FBXL13: variants seen among roughly 807,000 people sequenced by gnomAD.
FBXL13 encodes F-box and leucine rich repeat protein 13, also known as F-box and leucine-rich repeat protein 13.
FBXL13 carries 67 observed loss-of-function variants against 83.6 expected under a neutral mutation model. That is an observed-to-expected ratio of 0.80 (90% CI 0.66 to 0.98). FBXL13 has a LOEUF of 0.98. FBXL13 is among the 50% of genes least tolerant of loss of function. The probability of loss-of-function intolerance (pLI) is 0.00; values close to 1 mark genes in which losing one functional copy is unlikely to be tolerated. For missense variants in FBXL13, 822 were observed against 866.5 expected, an observed-to-expected ratio of 0.95 and a Z score of 0.64; for synonymous variants, 272 against 299.5, an observed-to-expected ratio of 0.91 and a Z score of 0.95.
chr7:103,029,072 C>T (rs1794236771), intron 3 of FBXL13, among the ~76,000 whole-genome samples: 2 of 151,898 alleles, frequency 1.3e-5, no homozygotes, highest in South Asian at 2.1e-4. Flanking sequence ...ACATATTTGG[C>T]TCCAAGGGTT....
intron 6 of FBXL13, among the ~76,000 whole-genome samples, chr7:103,021,124 C>T (rs1793113399): frequency 6.6e-6 from 1 of 152,056 alleles, no homozygotes; most frequent in African/African-American, 2.4e-5. Flanking sequence ...GGTACTGGTA[C>T]CAAAACAGAG....
chr7:102,852,412 G>C (rs557611460), intron 17 of FBXL13, among the ~76,000 whole-genome samples: 1 of 152,184 alleles, frequency 6.6e-6, no homozygotes, highest in Admixed American at 6.5e-5. Flanking sequence ...CACAGAGTGG[G>C]AGAAAATCTT....
At chr7:102,822,810 T>A (rs1322221120) in intron 18 of FBXL13, among the ~76,000 whole-genome samples, 1 of 152,190 alleles carries the variant, frequency 6.6e-6, no homozygotes, top group Non-Finnish European at 1.5e-5. Flanking sequence ...CAGTGGCTCA[T>A]GCCTATGATC....
At chr7:102,932,026 G>A in intron 8 of FBXL13, 93 bp from the exon 10 acceptor site, 1 of 1,194,932 alleles carries the variant, frequency 8.4e-7, no homozygotes, top group South Asian at 1.5e-5. Flanking sequence ...GTATTCATTA[G>A]AAAACAAACA....
chr7:102,977,644 G>A (rs144375611), intron 6 of FBXL13, among the ~76,000 whole-genome samples: 1 of 152,268 alleles, frequency 6.6e-6, no homozygotes, highest in East Asian at 1.9e-4. Flanking sequence ...TGAAGCTACA[G>A]TTAACTATGT....
At chr7:102,895,902 A>T (rs1166911539) in intron 11 of FBXL13, among the ~76,000 whole-genome samples, 1 of 152,232 alleles carries the variant, frequency 6.6e-6, no homozygotes, top group Non-Finnish European at 1.5e-5. Context: ...AACTAATGTG[A>T]ATCTCCTTGG....
At chr7:102,944,576 A>G in intron 8 of FBXL13, 2 of 1,610,154 alleles carry the variant, frequency 1.2e-6, no homozygotes. Context: ...ACCGCAAAGA[A>G]GCAAAGCGTA....
chr7:103,035,599 A>C (rs1794990281), intron 2 of FBXL13, among the ~76,000 whole-genome samples: 1 of 152,228 alleles, frequency 6.6e-6, no homozygotes, highest in South Asian at 2.1e-4. Flanking sequence ...ATATGTAAAA[A>C]AATGCATTTA....
At chr7:102,887,662 T>A (rs1316535718) in intron 11 of FBXL13, among the ~76,000 whole-genome samples, 2 of 152,206 alleles carry the variant, frequency 1.3e-5, no homozygotes, top group Non-Finnish European at 2.9e-5. Context: ...ATTCTTAACA[T>A]CTTCAACTGA....
chr7:103,011,959 C>A (rs1180508596), intron 6 of FBXL13, among the ~76,000 whole-genome samples: 1 of 152,094 alleles, frequency 6.6e-6, no homozygotes, highest in Non-Finnish European at 1.5e-5. Context: ...AAAATTTCCC[C>A]AATCTTGCAG....
chr7:103,068,706 T>C (rs1798631338), intron 1 of FBXL13, among the ~76,000 whole-genome samples: 1 of 152,088 alleles, frequency 6.6e-6, no homozygotes. Context: ...AATAGGCTTA[T>C]GGTGGTGGCA....
chr7:102,959,972 G>A (rs376900170), intron 8 of FBXL13, among the ~76,000 whole-genome samples: 1 of 152,052 alleles, frequency 6.6e-6, no homozygotes, highest in Non-Finnish European at 1.5e-5. Context: ...GTAAAGTTGT[G>A]TATTTTTAAT....
At chr7:102,903,635 A>C (rs1175679586) in intron 11 of FBXL13, among the ~76,000 whole-genome samples, 1 of 151,578 alleles carries the variant, frequency 6.6e-6, no homozygotes, top group Non-Finnish European at 1.5e-5. Flanking sequence ...GGGATATTGA[A>C]TTTTTTTTAA....
At chr7:102,971,580 G>A (rs542734646) in intron 6 of FBXL13, among the ~76,000 whole-genome samples, 5 of 133,766 alleles carry the variant, frequency 3.7e-5, no homozygotes, top group Non-Finnish European at 7.9e-5. Context: ...GGCAATAAGA[G>A]CGAAACTCCG....
In FBXL13 at chr7:102,913,255, C is replaced by A. The variant is rs79283665; in HGVS notation, c.879-40G>T. ...GAGAGGAAGGAAAGTATTATACTTC[C>A]GTTGTTCTCTCAAATCTTTCTTAAG... On this transcript the variant is annotated intron_variant, in intron 10 of 19. Transcript: ENST00000313221. The A allele has an allele frequency of 6.8e-4, 1,092 of 1,610,370 alleles. 7 individuals carry two copies. The African/African-American group carries it at 0.014, about 20-fold the overall frequency.
At chr7:103,045,953 A>G (rs1796232248) in intron 2 of FBXL13, among the ~76,000 whole-genome samples, 1 of 152,206 alleles carries the variant, frequency 6.6e-6, no homozygotes, top group African/African-American at 2.4e-5. Context: ...AAGAGAGACC[A>G]TTTGACATTC....
chr7:102,953,485 T>C lies in FBXL13; in HGVS notation c.724+10048A>G, dbSNP rs146353305. 3.7e-3 allele frequency among the ~76,000 whole-genome samples: 569 copies of C among 152,076 alleles called. 5 individuals are homozygous for C. The highest frequency in any genetic ancestry group is 0.014 in the African/African-American group (562 of 41,466). ...ACCCTTTTATAATAAGAACACTCAG[T>C]GAAGTAGGAATATATGGGAGCTTCC... On this transcript the variant is annotated intron_variant, in intron 8 of 19. Coordinates refer to ENST00000313221, the Ensembl canonical transcript of FBXL13.
intron 17 of FBXL13, among the ~76,000 whole-genome samples, chr7:102,835,601 T>TTG: frequency 9.5e-6 from 1 of 105,474 alleles, no homozygotes; most frequent in Admixed American, 1.3e-4. Context: ...TAAGGTGACA[T>TTG]TGTTTTTTTT....
At chr7:103,017,042 G>C (rs566888217) in intron 6 of FBXL13, among the ~76,000 whole-genome samples, 662 of 152,292 alleles carry the variant, frequency 4.3e-3, no homozygotes, top group African/African-American at 0.015. Flanking sequence ...GTGGGTCCCT[G>C]ACCTCCGAGT....
Sources: gnomAD v4.1 joint callset for allele counts (sites outside exome capture counted in the v4.1 genomes callset) on GRCh38, gnomAD v4.1.1 for gene constraint, MANE v1.5 for transcripts, NCBI Gene and HGNC (gene_info 2026-07-23, HGNC 2026-07-21) for gene names.